ADGRD1: variants seen among roughly 807,000 people sequenced by gnomAD.
ADGRD1 encodes G-protein coupled receptor 133.
A neutral mutation model predicts 113.4 loss-of-function variants in ADGRD1; 77 were observed. The observed-to-expected ratio is 0.68, with a 90% confidence interval of 0.57 to 0.82. ADGRD1 has a LOEUF of 0.82. Ranked by LOEUF, ADGRD1 falls within the 40% of genes least tolerant of loss-of-function variation. ADGRD1 has a pLI of 0.00. For synonymous variants in ADGRD1, 474 were observed against 475.0 expected (o/e 1.00, Z 0.03); for missense variants, 1,036 against 1,139.1 (o/e 0.91, Z 1.30).
chr12:131,084,745 G>A lies in ADGRD1; in HGVS notation c.1671+82G>A, dbSNP rs529425871. On this transcript the variant is annotated intron_variant, in intron 15 of 24. Coordinates refer to ENST00000261654, the MANE Select transcript of ADGRD1 (RefSeq NM_198827.5). This position sits in a 1 kb window ranked among gnomAD's most constrained non-coding sequence, Gnocchi z 4.5. Reference sequence around the variant, plus strand: ...GTGGGGGCGGGAGGATGCTTTGCCCGCCAGTGCCCACGGGCCCTGGGCACA... The same window carrying A: ...GTGGGGGCGGGAGGATGCTTTGCCCACCAGTGCCCACGGGCCCTGGGCACA... The A allele has an allele frequency of 5.5e-4, 809 of 1,484,360 alleles. No homozygotes were observed. The highest frequency in any genetic ancestry group is 7.1e-4 in the Non-Finnish European group (771 of 1,083,086). The allele number at this position is 1,484,360 out of a possible 1,614,324, so 91.9% of individuals were successfully genotyped here.
In ADGRD1 at chr12:130,996,261, C is replaced by T. The variant is rs567793043; in HGVS notation, c.966+3869C>T. 2.8e-5 allele frequency among the ~76,000 whole-genome samples: 4 copies of T among 145,168 alleles called. No individual in the cohort carries two copies. The South Asian group carries it at 8.7e-4, about 32-fold the overall frequency. On this transcript the variant is annotated intron_variant, in intron 8 of 24. Coordinates refer to ENST00000261654, the MANE Select transcript of ADGRD1 (RefSeq NM_198827.5). ...TTCTATTCCACAAAGCCGCGATTGT[C>T]ATCCTGGCCCGTTCTCAATGAGCTG... is the stretch of plus-strand genomic sequence containing the variant.
chr12:131,082,588 C>T (rs868322555), intron 14 of ADGRD1, among the ~76,000 whole-genome samples: 2 of 152,136 alleles, frequency 1.3e-5, no homozygotes, highest in African/African-American at 4.8e-5. Flanking sequence ...CAGGCCCCCC[C>T]CTCAAATTGA....
intron 4 of ADGRD1, among the ~76,000 whole-genome samples, chr12:130,972,639 G>T (rs1871811621): frequency 6.6e-6 from 1 of 152,062 alleles, no homozygotes; most frequent in Non-Finnish European, 1.5e-5. Context: ...ACAACCATGG[G>T]CTCGGCGTGA....
chr12:131,121,765 A>G lies in ADGRD1; in HGVS notation c.2175+852A>G, dbSNP rs182108739. ...GGGAGGCTGGGCCCAGGGCTCCTGC[A>G]CCTGCACTGGCATGAGGCTCGTCCC... On this transcript the variant is annotated intron_variant, in intron 20 of 24. Coordinates refer to ENST00000261654, the MANE Select transcript of ADGRD1 (RefSeq NM_198827.5). Among the ~76,000 whole-genome samples the G allele has an allele frequency of 2.8e-4, 43 of 152,092 alleles. No individual in the cohort carries two copies. The Middle Eastern group carries it at 0.014, about 48-fold the overall frequency.
intron 13 of ADGRD1, among the ~76,000 whole-genome samples, chr12:131,016,586 T>G (rs936806327): frequency 6.6e-6 from 1 of 152,204 alleles, no homozygotes; most frequent in Non-Finnish European, 1.5e-5. Context: ...CCCCGCGGCG[T>G]GTCAAGCCTG....
rs934769423 is a variant in ADGRD1 at position 131,096,583 on chromosome 12, G to A, written c.1672-8248G>A. On this transcript the variant is annotated intron_variant, in intron 15 of 24. Coordinates refer to ENST00000261654, the MANE Select transcript of ADGRD1 (RefSeq NM_198827.5). The surrounding 1 kb of genome is among the most constrained non-coding windows in gnomAD (Gnocchi z 5.2). The stretch of plus-strand genomic sequence containing the variant: ...AACCAGCATCCTATGCACACATCCC[G>A]CCTCCATCTGTGAGGATGGGTTCCC... Among the ~76,000 whole-genome samples, 1 of 152,072 alleles carries A rather than the reference G, an allele frequency of 6.6e-6. No individual in the cohort carries two copies. The highest frequency in any genetic ancestry group is 1.5e-5 in the Non-Finnish European group (1 of 68,020).
chr12:131,074,536 G>A (rs1885427839), intron 13 of ADGRD1, among the ~76,000 whole-genome samples: 1 of 152,184 alleles, frequency 6.6e-6, no homozygotes, highest in African/African-American at 2.4e-5. Flanking sequence ...CGTGGGCTGT[G>A]AGCACCTCCC....
intron 4 of ADGRD1, among the ~76,000 whole-genome samples, chr12:130,979,814 GTC>G (rs67195141): frequency 0.082 from 2,960 of 35,988 alleles, 71 homozygotes; most frequent in East Asian, 0.33. Flanking sequence ...GGCAGCTAGT[GTC>G]TCACACACAC....
At chr12:131,037,421 G>T (rs1151346) in intron 13 of ADGRD1, among the ~76,000 whole-genome samples, 187 of 134,580 alleles carry the variant, frequency 1.4e-3, no homozygotes, top group African/African-American at 5.1e-3. Flanking sequence ...ACTGCACTGG[G>T]TCTCACTGCA....
At chr12:131,119,942 G>A (rs781019642) in intron 19 of ADGRD1, among the ~76,000 whole-genome samples, 20 of 152,184 alleles carry the variant, frequency 1.3e-4, no homozygotes, top group Non-Finnish European at 2.8e-4. Flanking sequence ...TGCTGACAGT[G>A]ATCTCTGAAG....
intron 17 of ADGRD1, among the ~76,000 whole-genome samples, chr12:131,107,407 G>T (rs374682170): frequency 6.6e-5 from 10 of 151,010 alleles, no homozygotes; most frequent in African/African-American, 2.4e-4. Flanking sequence ...AAATCGCAGG[G>T]AAGGGCTCTG....
intron 8 of ADGRD1, among the ~76,000 whole-genome samples, chr12:130,998,904 C>G (rs1027254291): frequency 1.3e-5 from 2 of 152,132 alleles, no homozygotes; most frequent in African/African-American, 2.4e-5. Context: ...TAGAGATGTG[C>G]TGTGAGTGTA....
At chr12:130,980,306 A>G (rs373420818) in intron 4 of ADGRD1, among the ~76,000 whole-genome samples, 1 of 151,236 alleles carries the variant, frequency 6.6e-6, no homozygotes, top group African/African-American at 2.4e-5. Flanking sequence ...GGGTTTCACC[A>G]TGTTAGTAAA....
intron 13 of ADGRD1, among the ~76,000 whole-genome samples, chr12:131,016,114 C>T (rs747384657): frequency 2.4e-4 from 36 of 152,356 alleles, no homozygotes; most frequent in Middle Eastern, 3.4e-3. Flanking sequence ...TCAGGAGGAG[C>T]CTTCTCTCCT....
intron 13 of ADGRD1, among the ~76,000 whole-genome samples, chr12:131,043,496 C>T (rs993599401): frequency 3.9e-5 from 6 of 152,370 alleles, no homozygotes; most frequent in African/African-American, 1.2e-4. Context: ...GTGGAACGCA[C>T]GGCTTTGTCC....
In ADGRD1 at chr12:131,081,461, T is replaced by C. The variant is rs1331670266; in HGVS notation, c.1548-3079T>C. 2.0e-5 allele frequency among the ~76,000 whole-genome samples: 3 copies of C among 152,234 alleles called. No individual in the cohort carries two copies. The East Asian group carries it at 5.8e-4, about 29-fold the overall frequency. ...GTATACATCCTTTTAACTTTTTTGA[T>C]AGTGGTTGACCTAAGCTTACAGTGT... On this transcript the variant is annotated intron_variant, in intron 14 of 24. Coordinates refer to ENST00000261654, the MANE Select transcript of ADGRD1 (RefSeq NM_198827.5).
intron 13 of ADGRD1, among the ~76,000 whole-genome samples, chr12:131,076,157 C>A (rs1382381728): frequency 2.6e-5 from 4 of 152,210 alleles, no homozygotes; most frequent in Non-Finnish European, 1.5e-5. Flanking sequence ...TTTGTTCATT[C>A]ATTGAACAGA....
At chr12:130,982,644 C>T (rs538398099) in intron 5 of ADGRD1, among the ~76,000 whole-genome samples, 1 of 152,164 alleles carries the variant, frequency 6.6e-6, no homozygotes, top group East Asian at 1.9e-4. Context: ...GAGGAAGGGG[C>T]TAGGGGAGAG....
chr12:131,093,088 G>A (rs1887025332), intron 15 of ADGRD1, among the ~76,000 whole-genome samples: 2 of 151,824 alleles, frequency 1.3e-5, no homozygotes, highest in Admixed American at 1.3e-4. Flanking sequence ...CTGCTTTTAG[G>A]AGACAGTGAA....
Sources: allele counts gnomAD v4.1 joint callset (sites outside exome capture counted in the v4.1 genomes callset), GRCh38; gene constraint gnomAD v4.1.1; non-coding constraint Gnocchi (gnomAD v3.1); transcripts MANE v1.5; gene names NCBI Gene and HGNC (gene_info 2026-07-23, HGNC 2026-07-21).